The following SMOC1 variants were observed in gnomAD, a reference collection of about 807,000 sequenced individuals.
The protein encoded by SMOC1 is SPARC related modular calcium binding 1.
In SMOC1, 22 loss-of-function variants were observed where a neutral mutation model predicts 56.3. The ratio of observed to expected loss-of-function variants is 0.39; its 90% confidence interval spans 0.28 to 0.56. The LOEUF is 0.56. Among genes scored for constraint, SMOC1 ranks in the 20% least tolerant of loss-of-function variants. SMOC1 has a pLI of 0.61. For synonymous variants in SMOC1, 193 were observed against 215.0 expected, an observed-to-expected ratio of 0.90 and a Z score of 0.89; for missense variants, 509 against 565.4, an observed-to-expected ratio of 0.90 and a Z score of 1.01.
chr14:69,902,552 C>T (rs906012437), intron 1 of SMOC1, among the ~76,000 whole-genome samples: 5 of 152,114 alleles, frequency 3.3e-5, no homozygotes, highest in Non-Finnish European at 4.4e-5. Flanking sequence ...CTGCCTTCAC[C>T]CTGTGGGACC....
chr14:69,883,871 T>G lies in SMOC1; in HGVS notation c.99+4094T>G, dbSNP rs185637993. On this transcript the variant is annotated intron_variant, in intron 1 of 11. Transcript: ENST00000361956. ...TTGTGGTTTGAATGCATTTCCCTGA[T>G]GATTAGTGATGTTGAGCATTTTTTT... is the stretch of plus-strand genomic sequence containing the variant. Among the ~76,000 whole-genome samples, 75 of 149,996 alleles carry G rather than the reference T, an allele frequency of 5.0e-4. 2 individuals carry two copies. Among genetic ancestry groups the G allele is most frequent in the Non-Finnish European group, 8.9e-5 (6 of 67,676 alleles).
intron 1 of SMOC1, among the ~76,000 whole-genome samples, chr14:69,904,770 T>C (rs1884361943): frequency 6.6e-6 from 1 of 152,196 alleles, no homozygotes; most frequent in African/African-American, 2.4e-5. Context: ...CTCGGTCTCA[T>C]AGGTGAAATG....
intron 3 of SMOC1, among the ~76,000 whole-genome samples, chr14:69,959,094 G>A (rs1373164469): frequency 1.3e-5 from 2 of 151,980 alleles, no homozygotes; most frequent in Non-Finnish European, 2.9e-5. Flanking sequence ...TTTTCCTTGT[G>A]TGTACTTATT....
chr14:70,027,976 A>G (rs1384301454), intron 11 of SMOC1, among the ~76,000 whole-genome samples: 1 of 152,166 alleles, frequency 6.6e-6, no homozygotes, highest in Admixed American at 6.5e-5. Flanking sequence ...TCGGTCATCC[A>G]TCCCGTGTCG....
chr14:69,934,539 G>A (rs1352468442), intron 1 of SMOC1, among the ~76,000 whole-genome samples: 1 of 152,220 alleles, frequency 6.6e-6, no homozygotes, highest in Non-Finnish European at 1.5e-5. Context: ...CAGGGGAGAA[G>A]TGTTGGGTCC....
chr14:69,881,466 AC>A (rs1159615348), intron 1 of SMOC1, among the ~76,000 whole-genome samples: 7 of 152,082 alleles, frequency 4.6e-5, no homozygotes, highest in South Asian at 2.1e-4. Context: ...AGAGGAAGCA[AC>A]CTTTAGGGGA....
chr14:70,023,507 C>T lies in SMOC1; in HGVS notation c.1291+60C>T. On this transcript the variant is annotated intron_variant, in intron 11 of 11. Coordinates refer to ENST00000361956, the MANE Select transcript of SMOC1 (RefSeq NM_001034852.3). ...TACTTGCCCCCACCCAGGCATGGGA[C>T]CAAGGGCTCTCTGATAAATGAGATT... is the stretch of plus-strand genomic sequence containing the variant. The T allele has an allele frequency of 2.5e-6, 4 of 1,608,276 alleles. No individual in the cohort carries two copies. The South Asian group carries it at 4.4e-5, about 18-fold the overall frequency.
chr14:69,978,200 A>T (rs1375247017), intron 5 of SMOC1: 11 of 571,738 alleles, frequency 1.9e-5, no homozygotes, highest in South Asian at 1.0e-4. Flanking sequence ...TAGAGCCCAG[A>T]GCTGGGAAGC....
At position 69,902,808 on chromosome 14, in the gene SMOC1, C is replaced by T. The variant is rs368446529; in HGVS notation, c.99+23031C>T. ...GTTTTCGTATTTTTTTTGGTGGAGA[C>T]GGGGTTTCGCTGTGTTGGCCGGGCT... On this transcript the variant is annotated intron_variant, in intron 1 of 11. Transcript: ENST00000361956. 6.3e-3 allele frequency among the ~76,000 whole-genome samples: 959 copies of T among 152,276 alleles called. 5 individuals are homozygous for T. The highest frequency in any genetic ancestry group is 0.019 in the African/African-American group (799 of 41,572).
At chr14:69,922,561 G>T (rs1329060053) in intron 1 of SMOC1, among the ~76,000 whole-genome samples, 2 of 152,164 alleles carry the variant, frequency 1.3e-5, no homozygotes, top group Non-Finnish European at 2.9e-5. Context: ...GGCCAGCATC[G>T]TTGGCATCAC....
At chr14:70,018,725 G>T (rs1355224965) in intron 10 of SMOC1, among the ~76,000 whole-genome samples, 4 of 152,222 alleles carry the variant, frequency 2.6e-5, no homozygotes, top group African/African-American at 9.6e-5. Flanking sequence ...ACTTTGAGGG[G>T]AGGTGGGAAG....
At chr14:69,961,272 GTATA>G (rs35703501) in intron 3 of SMOC1, among the ~76,000 whole-genome samples, 3,317 of 74,522 alleles carry the variant, frequency 0.045, 147 homozygotes, top group African/African-American at 0.081. Context: ...ATTCTATTGT[GTATA>G]TATATATATA....
chr14:70,020,767 T>G (rs1779771486), intron 10 of SMOC1, among the ~76,000 whole-genome samples: 1 of 151,824 alleles, frequency 6.6e-6, no homozygotes, highest in African/African-American at 2.4e-5. Flanking sequence ...GAAGGGAAAA[T>G]CAGAAGAAAG....
intron 10 of SMOC1, among the ~76,000 whole-genome samples, chr14:70,017,561 C>G (rs1270073264): frequency 1.3e-5 from 2 of 152,196 alleles, no homozygotes; most frequent in Non-Finnish European, 2.9e-5. Flanking sequence ...GCCAGGGAAA[C>G]AGTCTCACTT....
chr14:69,902,923 AG>A (rs1884288385), intron 1 of SMOC1, among the ~76,000 whole-genome samples: 3 of 152,110 alleles, frequency 2.0e-5, no homozygotes. Context: ...CTCAGTGCTC[AG>A]TGTTGCCTAG....
At chr14:70,005,006 C>T (rs1885100886) in intron 7 of SMOC1, among the ~76,000 whole-genome samples, 1 of 152,220 alleles carries the variant, frequency 6.6e-6, no homozygotes, top group Non-Finnish European at 1.5e-5. Context: ...ACTGCATGTG[C>T]AGAAGGTGCT....
chr14:69,920,601 C>T (rs932068096), intron 1 of SMOC1, among the ~76,000 whole-genome samples: 11 of 152,326 alleles, frequency 7.2e-5, no homozygotes, highest in Admixed American at 3.3e-4. Flanking sequence ...CCAGACACAG[C>T]GCCAGGTAAG....
intron 10 of SMOC1, among the ~76,000 whole-genome samples, chr14:70,018,178 A>T (rs936834795): frequency 9.2e-5 from 14 of 152,084 alleles, no homozygotes; most frequent in African/African-American, 2.9e-4. Context: ...AGTCATCCTG[A>T]TGGCACTATG....
At chr14:69,942,463 A>G (rs1019846758) in intron 1 of SMOC1, among the ~76,000 whole-genome samples, 1 of 152,176 alleles carries the variant, frequency 6.6e-6, no homozygotes, top group Middle Eastern at 3.2e-3. Context: ...GACCCCTTTT[A>G]GGTGTACACT....
Sources: gnomAD v4.1 joint callset for allele counts (sites outside exome capture counted in the v4.1 genomes callset) on GRCh38, gnomAD v4.1.1 for gene constraint, MANE v1.5 for transcripts, NCBI Gene and HGNC (gene_info 2026-07-23, HGNC 2026-07-21) for gene names.